EYS: variants seen among roughly 807,000 people sequenced by gnomAD.
EYS encodes protein eyes shut homolog.
In EYS, 250 loss-of-function variants were observed where a neutral mutation model predicts 282.1. The observed-to-expected ratio is 0.89, with a 90% confidence interval of 0.80 to 0.98. The LOEUF is 0.98. Among genes scored for constraint, EYS ranks in the 50% least tolerant of loss-of-function variants. EYS has a pLI of 0.00. For synonymous variants in EYS, 1,355 were observed against 1,282.9 expected (o/e 1.06, Z -1.20); for missense variants, 4,016 against 3,709.0 (o/e 1.08, Z -2.15).
chr6:65,535,739 C>A (rs897504883), intron 2 of EYS, among the ~76,000 whole-genome samples: 13 of 152,138 alleles, frequency 8.5e-5, no homozygotes, highest in African/African-American at 3.1e-4. Context: ...ATGCCTTCAA[C>A]TGATTAAATG....
chr6:65,196,156 T>C (rs909460477), intron 12 of EYS, among the ~76,000 whole-genome samples: 14 of 152,016 alleles, frequency 9.2e-5, no homozygotes, highest in African/African-American at 3.4e-4. Context: ...TGTTCACCCA[T>C]AAAGCTATTA....
intron 5 of EYS, among the ~76,000 whole-genome samples, chr6:65,429,489 AG>A (rs1342893712): frequency 6.6e-6 from 1 of 152,210 alleles, no homozygotes; most frequent in African/African-American, 2.4e-5. Context: ...ATAGCTAAAG[AG>A]AAAGCTAAAT....
chr6:65,622,968 G>C (rs1436220498), intron 2 of EYS, among the ~76,000 whole-genome samples: 1 of 151,986 alleles, frequency 6.6e-6, no homozygotes, highest in Non-Finnish European at 1.5e-5. Context: ...ATGTTGCCCA[G>C]GCTGGTCTCA....
chr6:64,407,160 G>T (rs1314373497), intron 28 of EYS, among the ~76,000 whole-genome samples: 1 of 152,176 alleles, frequency 6.6e-6, no homozygotes, highest in Non-Finnish European at 1.5e-5. Context: ...GACATGGATG[G>T]AGCAGGAAAC....
chr6:64,560,700 C>CA (rs1489469700), intron 26 of EYS, among the ~76,000 whole-genome samples: 4 of 151,836 alleles, frequency 2.6e-5, no homozygotes, highest in African/African-American at 9.7e-5. Flanking sequence ...AAATTTTCCT[C>CA]AAAAAAATTT....
Position 64,904,872 on chromosome 6 carries a change from G to A in EYS, c.2642-2372C>T, listed in dbSNP as rs1767775175. Among the ~76,000 whole-genome samples, 3 of 152,122 alleles carry A rather than the reference G, an allele frequency of 2.0e-5. No homozygotes were observed. The South Asian group carries it at 6.2e-4, about 31-fold the overall frequency. On this transcript the variant is annotated intron_variant, in intron 16 of 42. Coordinates refer to ENST00000503581, the MANE Select transcript of EYS (RefSeq NM_001142800.2). ...TTTCTGAGATGGAGTTTTGTTACCA[G>A]CTAGCAACATATGTCAATGGGTTGA...
intron 31 of EYS, among the ~76,000 whole-genome samples, chr6:64,093,796 A>C (rs1414347390): frequency 6.6e-6 from 1 of 152,124 alleles, no homozygotes; most frequent in Non-Finnish European, 1.5e-5. Context: ...ACTATGTTGA[A>C]TAGGAGTGGC....
At chr6:64,017,664 T>C (rs1768960320) in intron 33 of EYS, among the ~76,000 whole-genome samples, 1 of 152,188 alleles carries the variant, frequency 6.6e-6, no homozygotes, top group Non-Finnish European at 1.5e-5. Flanking sequence ...ACCATTTTTC[T>C]TTACCTGCTG....
At chr6:64,988,333 G>A (rs960472789) in intron 14 of EYS, among the ~76,000 whole-genome samples, 4 of 151,556 alleles carry the variant, frequency 2.6e-5, no homozygotes, top group South Asian at 2.1e-4. Flanking sequence ...TTAAAAGGTG[G>A]CCCAAGAGCC....
At chr6:64,084,163 A>C (rs1772070854) in intron 31 of EYS, among the ~76,000 whole-genome samples, 1 of 152,174 alleles carries the variant, frequency 6.6e-6, no homozygotes, top group Admixed American at 6.5e-5. Flanking sequence ...CAACACTATG[A>C]CTCATGAGCA....
At chr6:65,325,298 G>C (rs557424220) in intron 11 of EYS, among the ~76,000 whole-genome samples, 1 of 152,176 alleles carries the variant, frequency 6.6e-6, no homozygotes, top group Non-Finnish European at 1.5e-5. Flanking sequence ...TGAGGATAGA[G>C]ACAGCAAATC....
At chr6:65,010,073 C>G (rs9351480) in intron 13 of EYS, among the ~76,000 whole-genome samples, 10,307 of 152,240 alleles carry the variant, frequency 0.068, 442 homozygotes, top group East Asian at 0.13. Context: ...GGCCCTAACC[C>G]AAGCCCCAGT....
chr6:65,044,296 T>G (rs1773032929), intron 13 of EYS, among the ~76,000 whole-genome samples: 1 of 151,838 alleles, frequency 6.6e-6, no homozygotes, highest in African/African-American at 2.4e-5. Context: ...TAATTCCTTA[T>G]CATATGTACG....
chr6:65,139,180 C>T (rs1764252206), intron 12 of EYS, among the ~76,000 whole-genome samples: 2 of 152,046 alleles, frequency 1.3e-5, no homozygotes, highest in African/African-American at 4.8e-5. Flanking sequence ...AGGAATCAAC[C>T]TAGATGCCCA....
chr6:65,048,959 A>G (rs1773186862), intron 13 of EYS, among the ~76,000 whole-genome samples: 1 of 151,814 alleles, frequency 6.6e-6, no homozygotes, highest in Non-Finnish European at 1.5e-5. Flanking sequence ...TTTTCTTTCC[A>G]GTGTGCCATA....
At chr6:64,612,541 A>G (rs537133042) in intron 24 of EYS, among the ~76,000 whole-genome samples, 1 of 152,240 alleles carries the variant, frequency 6.6e-6, no homozygotes, top group East Asian at 1.9e-4. Context: ...TCTTGTTTGG[A>G]ATCACTTTTG....
chr6:64,135,690 T>C (rs1404894088), intron 31 of EYS, among the ~76,000 whole-genome samples: 2 of 152,100 alleles, frequency 1.3e-5, no homozygotes, highest in Admixed American at 6.6e-5. Context: ...CCAGTGTATA[T>C]AAAAGCTATG....
intron 22 of EYS, among the ~76,000 whole-genome samples, chr6:64,641,940 GA>G (rs894965344): frequency 2.0e-5 from 3 of 152,142 alleles, no homozygotes; most frequent in Non-Finnish European, 4.4e-5. Flanking sequence ...TCCCATATGT[GA>G]AAAAATTTTC....
intron 28 of EYS, among the ~76,000 whole-genome samples, chr6:64,424,505 C>T (rs1774340313): frequency 6.6e-6 from 1 of 152,162 alleles, no homozygotes; most frequent in Non-Finnish European, 1.5e-5. Context: ...TGAAACAGAA[C>T]TTCTGATTTT....
Sources: allele counts gnomAD v4.1 joint callset (sites outside exome capture counted in the v4.1 genomes callset), GRCh38; gene constraint gnomAD v4.1.1; transcripts MANE v1.5; gene names NCBI Gene and HGNC (gene_info 2026-07-23, HGNC 2026-07-21).